AK3: variants seen among roughly 807,000 people sequenced by gnomAD.
AK3 encodes the protein adenylate kinase 3.
Under a neutral mutation model 23.7 loss-of-function variants are expected in AK3, and 27 were observed. That is an observed-to-expected ratio of 1.14 (90% confidence interval 0.84 to 1.57). The LOEUF (loss-of-function observed/expected upper bound fraction) is 1.57, where lower values mean the gene tolerates loss of function less well. Ranked by LOEUF, AK3 falls within the 40% of genes most tolerant of loss-of-function variation. The probability of loss-of-function intolerance (pLI) is 0.00; values close to 1 mark genes in which losing one functional copy is unlikely to be tolerated. For synonymous variants in AK3, 159 were observed against 116.0 expected, an observed-to-expected ratio of 1.37 and a Z score of -2.38; for missense variants, 406 against 285.6, an observed-to-expected ratio of 1.42 and a Z score of -3.04.
upstream of AK3, chr9:4,741,396 A>C: frequency 7.6e-6 from 2 of 263,274 alleles, no homozygotes; most frequent in Non-Finnish European, 1.4e-5. Flanking sequence ...CCCAGCTCCC[A>C]CCTGCGCCTC....
chr9:4,727,656 C>T (rs1842049767), intron 1 of AK3, among the ~76,000 whole-genome samples: 4 of 152,160 alleles, frequency 2.6e-5, no homozygotes, highest in Admixed American at 2.6e-4. Context: ...GTTTTGCTTT[C>T]TTGTGCTCCA....
At chr9:4,718,293 T>A in intron 4 of AK3, 126 bp downstream of exon 4, 1 of 714,478 alleles carries the variant, frequency 1.4e-6, no homozygotes. Flanking sequence ...TGTATTTCCT[T>A]TATTACTTAA....
At chr9:4,720,328 G>A (rs986890466) in intron 2 of AK3, among the ~76,000 whole-genome samples, 2 of 152,062 alleles carry the variant, frequency 1.3e-5, no homozygotes. Context: ...TGTTACTAAG[G>A]ACATTTTGTC....
chr9:4,724,907 C>T (rs973931726), intron 1 of AK3, among the ~76,000 whole-genome samples: 1 of 152,012 alleles, frequency 6.6e-6, no homozygotes, highest in African/African-American at 2.4e-5. Context: ...AACAAATGCT[C>T]CTGGGACAAA....
intron 1 of AK3, among the ~76,000 whole-genome samples, chr9:4,738,857 T>C (rs1842357844): frequency 6.7e-6 from 1 of 148,304 alleles, no homozygotes; most frequent in South Asian, 2.2e-4. Flanking sequence ...TGACAACCTC[T>C]GCATCCCGGG....
At chr9:4,735,019 G>A (rs73399738) in intron 1 of AK3, among the ~76,000 whole-genome samples, 201 of 151,790 alleles carry the variant, frequency 1.3e-3, no homozygotes, top group African/African-American at 4.4e-3. Context: ...GGTAGGAACA[G>A]AAGTGACGGC....
chr9:4,718,412 A>C lies in AK3; in HGVS notation c.563+7T>G. 6.2e-7 allele frequency: 1 copy of C among 1,607,814 alleles called. No individual in the cohort carries two copies. The highest frequency in any genetic ancestry group is 1.1e-5 in the South Asian group (1 of 90,862). On this transcript the variant is annotated splice_region_variant and intron_variant, in intron 4 of 4. Coordinates refer to ENST00000381809, the MANE Select transcript of AK3 (RefSeq NM_016282.4). Reference sequence around the variant, plus strand: ...CGCAAGAGAAGTTCTGAAAAGCAAAAACTCACTGGTAATATTCCAGGACTG... The same window carrying C: ...CGCAAGAGAAGTTCTGAAAAGCAAACACTCACTGGTAATATTCCAGGACTG...
intron 1 of AK3, among the ~76,000 whole-genome samples, chr9:4,725,111 C>A (rs973497263): frequency 5.9e-5 from 9 of 151,310 alleles, no homozygotes; most frequent in East Asian, 1.9e-4. Context: ...CAACCTCCCC[C>A]CTCCCAGGTT....
In AK3 at chr9:4,735,901, G is replaced by A. The variant is rs528888100; in HGVS notation, c.151+5036C>T. On this transcript the variant is annotated intron_variant, in intron 1 of 4. Coordinates refer to ENST00000381809, the MANE Select transcript of AK3 (RefSeq NM_016282.4). ...AAGCCGAGGTGGGTGGATCACTTGA[G>A]GTAGGAAGTTCGAGACCAGCCCGGC... Among the ~76,000 whole-genome samples the A allele has an allele frequency of 5.9e-5, 9 of 152,078 alleles. No individual in the cohort carries two copies. In the South Asian group the frequency reaches 1.2e-3, roughly 21 times the overall value.
At chr9:4,729,407 C>T (rs1425989560) in intron 1 of AK3, among the ~76,000 whole-genome samples, 5 of 152,214 alleles carry the variant, frequency 3.3e-5, no homozygotes, top group East Asian at 3.9e-4. Context: ...AGGAGCTCAA[C>T]GCTGCAGTGA....
intron 4 of AK3, among the ~76,000 whole-genome samples, chr9:4,717,412 G>C (rs1164447622): frequency 6.6e-6 from 1 of 152,186 alleles, no homozygotes; most frequent in Non-Finnish European, 1.5e-5. Context: ...TAAAATGTAA[G>C]CTTTTAAAGA....
intron 1 of AK3, 90 bp from the exon 2 acceptor site, chr9:4,722,715 G>C (rs1841933291): frequency 1.3e-6 from 2 of 1,545,880 alleles, no homozygotes; most frequent in Non-Finnish European, 1.8e-6. Context: ...GGGGAAGTCT[G>C]AATGGCATAC....
At chr9:4,737,673 C>G (rs892074302) in intron 1 of AK3, among the ~76,000 whole-genome samples, 1 of 152,044 alleles carries the variant, frequency 6.6e-6, no homozygotes, top group Non-Finnish European at 1.5e-5. Flanking sequence ...AAGCCGAGAT[C>G]GTGCCACTGC....
chr9:4,724,228 G>A (rs1029065654), intron 1 of AK3, among the ~76,000 whole-genome samples: 1 of 152,048 alleles, frequency 6.6e-6, no homozygotes, highest in Non-Finnish European at 1.5e-5. Flanking sequence ...GCTCTGGGGA[G>A]GGACAGCTTC....
chr9:4,722,684 C>T lies in AK3; in HGVS notation c.152-59G>A, dbSNP rs956592317. On this transcript the variant is annotated intron_variant, in intron 1 of 4. Coordinates refer to ENST00000381809, the MANE Select transcript of AK3 (RefSeq NM_016282.4). ...CATTTGTTTTATCCCATTCCAGGCA[C>T]CTCGGAACGAGTTGCCTAAAGGGGA... The T allele has an allele frequency of 8.8e-5, 142 of 1,607,648 alleles. 1 individual carries two copies. In the Admixed American group the frequency reaches 2.2e-3, roughly 25 times the overall value.
rs764442201 is a variant in AK3, at chr9:4,713,018, A to C, written c.642T>G (p.Thr214=). 1.9e-6 allele frequency: 3 copies of C among 1,613,756 alleles called. No individual in the cohort carries two copies. The highest frequency in any genetic ancestry group is 8.5e-7 in the Non-Finnish European group (1 of 1,179,768). The part of the protein sequence containing the change: ...IWPYVYAFLQ[T]KVPQRSQKAS... ...CTTTCTGGCTTCTTTGTGGAACTTT[A>C]GTTTGTAGGAAAGCATATACATAGG... is the stretch of plus-strand genomic sequence containing the variant. Residue 214 remains threonine (T), a synonymous_variant, in exon 5 of 5, where the codon ACT becomes ACG. Transcript: ENST00000381809.
rs548807795 is a variant in AK3 at position 4,735,931 on chromosome 9, A to G, written c.151+5006T>C. Among the ~76,000 whole-genome samples the G allele has an allele frequency of 1.3e-5, 2 of 150,132 alleles. 1 individual carries two copies. Among genetic ancestry groups the G allele is most frequent in the East Asian group, 4.1e-4 (2 of 4,880 alleles). On this transcript the variant is annotated intron_variant, in intron 1 of 4. Coordinates refer to ENST00000381809, the MANE Select transcript of AK3 (RefSeq NM_016282.4). ...GAAGTTCGAGACCAGCCCGGCTAAC[A>G]TGGTGAAACCCCATCTCTACTAAAA...
chr9:4,735,250 TATATATATATAAATATATATATAA>T (rs1434459623), intron 1 of AK3, among the ~76,000 whole-genome samples: 1 of 16,940 alleles, frequency 5.9e-5, no homozygotes, highest in African/African-American at 4.7e-4. Flanking sequence ...TATATAAATA[TATATATATATAAATATATATATAA>T]ATATATATAC....
chr9:4,725,662 A>C (rs556643012), intron 1 of AK3, among the ~76,000 whole-genome samples: 1 of 152,310 alleles, frequency 6.6e-6, no homozygotes, highest in East Asian at 1.9e-4. Flanking sequence ...GGATGGAAGA[A>C]AAATTTTGCA....
Sources: allele counts gnomAD v4.1 joint callset (sites outside exome capture counted in the v4.1 genomes callset), GRCh38; gene constraint gnomAD v4.1.1; transcripts MANE v1.5; gene names NCBI Gene and HGNC (gene_info 2026-07-23, HGNC 2026-07-21).